The following PCSK5 variants were observed in gnomAD, a reference collection of about 807,000 sequenced individuals.
PCSK5 encodes proprotein convertase subtilisin/kexin type 5.
PCSK5 carries 129 observed loss-of-function variants against 233.2 expected under a neutral mutation model. The observed-to-expected ratio is 0.55, with a 90% CI of 0.48 to 0.64. The LOEUF (loss-of-function observed/expected upper bound fraction) is 0.64. Among genes scored for constraint, PCSK5 ranks in the 30% least tolerant of loss-of-function variants. The pLI is 0.00. For synonymous variants in PCSK5, 825 were observed against 879.2 expected (o/e 0.94, Z 1.09); for missense variants, 2,076 against 2,430.1 (o/e 0.85, Z 3.06).
At chr9:76,209,289 A>G (rs1021424305) in intron 20 of PCSK5, among the ~76,000 whole-genome samples, 1 of 152,158 alleles carries the variant, frequency 6.6e-6, no homozygotes, top group Non-Finnish European at 1.5e-5. Flanking sequence ...TCTACTTGCA[A>G]CCTGCGTTCC....
chr9:76,092,023 G>T (rs919577176), intron 7 of PCSK5, among the ~76,000 whole-genome samples: 1 of 152,056 alleles, frequency 6.6e-6, no homozygotes. Context: ...CAATGCCATT[G>T]CTCCTTCTTA....
At chr9:76,080,951 T>G (rs755666702) in intron 7 of PCSK5, among the ~76,000 whole-genome samples, 44 of 152,260 alleles carry the variant, frequency 2.9e-4, no homozygotes, top group Non-Finnish European at 5.6e-4. Context: ...TGAGTAACCC[T>G]TACAGAAGGT....
intron 10 of PCSK5, among the ~76,000 whole-genome samples, chr9:76,143,894 G>C (rs566781887): frequency 1.3e-5 from 2 of 151,980 alleles, no homozygotes; most frequent in East Asian, 3.9e-4. Flanking sequence ...TCTTTTCGTT[G>C]GTTGTTATTG....
At chr9:76,026,904 T>G in intron 4 of PCSK5, 57 bp from the exon 5 acceptor site, 1 of 1,160,254 alleles carries the variant, frequency 8.6e-7, no homozygotes, top group Non-Finnish European at 1.3e-6. Context: ...CTGTGGGTCA[T>G]TGGCTAATTA....
intron 20 of PCSK5, among the ~76,000 whole-genome samples, chr9:76,206,108 G>C (rs1825106904): frequency 6.6e-6 from 1 of 152,168 alleles, no homozygotes; most frequent in Non-Finnish European, 1.5e-5. Flanking sequence ...ATTCCTATCT[G>C]CCACCCCCAC....
intron 5 of PCSK5, among the ~76,000 whole-genome samples, chr9:76,027,464 C>G (rs543296348): frequency 6.6e-6 from 1 of 152,034 alleles, no homozygotes; most frequent in African/African-American, 2.4e-5. Flanking sequence ...CTCCTTCGCT[C>G]CTCTCTCCTC....
At chr9:76,059,809 C>T (rs11144736) in intron 5 of PCSK5, among the ~76,000 whole-genome samples, 3,575 of 151,690 alleles carry the variant, frequency 0.024, 82 homozygotes, top group South Asian at 0.037. Context: ...ATTTTTTATC[C>T]TACAGGATAA....
At chr9:76,323,019 C>CCG in intron 31 of PCSK5, 33 bp from the exon 32 acceptor site, 1 of 1,219,324 alleles carries the variant, frequency 8.2e-7, no homozygotes, top group Non-Finnish European at 1.2e-6. Flanking sequence ...TCCTACCCCC[C>CCG]GGGGATAACT....
intron 8 of PCSK5, among the ~76,000 whole-genome samples, chr9:76,099,841 T>G (rs993936365): frequency 3.9e-5 from 6 of 152,190 alleles, no homozygotes; most frequent in African/African-American, 1.4e-4. Flanking sequence ...GACATTCATT[T>G]CCTTTTGTCA....
rs1823760804 is a variant in PCSK5, at chr9:76,179,668, A to G, written c.1973A>G (p.His658Arg). 1.9e-6 allele frequency: 3 copies of G among 1,612,982 alleles called. No homozygotes were observed. Among genetic ancestry groups the G allele is most frequent in the Non-Finnish European group, 2.5e-6 (3 of 1,179,076 alleles). Residue 658 changes from histidine (H) to arginine (R), a missense_variant, in exon 15 of 38, where the codon CAC (histidine) becomes CGC (arginine). This residue lies in a region of PCSK5 where 84 missense variants were observed against 108.8 expected (regional missense o/e 0.77). Transcript: ENST00000674117. The part of the protein sequence containing the change: ...PGPDHCNDCL[H>R]YYYKLKNNTR... ...CCAGACCACTGCAATGACTGTTTGCACTACTACTACAAGCTGAAAAACAAT... is the reference window on the plus strand; with the variant it reads ...CCAGACCACTGCAATGACTGTTTGCGCTACTACTACAAGCTGAAAAACAAT...
At chr9:75,991,935 T>TA (rs572364341) in intron 3 of PCSK5, among the ~76,000 whole-genome samples, 32 of 147,090 alleles carry the variant, frequency 2.2e-4, no homozygotes, top group South Asian at 1.7e-3. Context: ...AAATGTAAAA[T>TA]AAAAAAAAAA....
intron 9 of PCSK5, among the ~76,000 whole-genome samples, chr9:76,120,840 A>G (rs1832603413): frequency 1.3e-5 from 2 of 151,980 alleles, no homozygotes; most frequent in African/African-American, 2.4e-5. Flanking sequence ...TGCCTCTACT[A>G]TTATTTCCTG....
At chr9:76,199,376 TAC>T (rs1476660873) in intron 20 of PCSK5, among the ~76,000 whole-genome samples, 1 of 152,232 alleles carries the variant, frequency 6.6e-6, no homozygotes, top group Non-Finnish European at 1.5e-5. Context: ...CTGTCATATA[TAC>T]AGTCTGTTAT....
chr9:76,315,772 AC>A (rs1829006666), intron 30 of PCSK5, among the ~76,000 whole-genome samples: 1 of 150,362 alleles, frequency 6.7e-6, no homozygotes, highest in African/African-American at 2.5e-5. Context: ...AGCTGGGATT[AC>A]AGGCGCCCAC....
At chr9:76,175,271 G>GGAATGGAATT in intron 14 of PCSK5, 142 bp downstream of exon 14, 1 of 508,318 alleles carries the variant, frequency 2.0e-6, no homozygotes. Context: ...GGAATGGAAT[G>GGAATGGAATT]GAATCGAATC....
At chr9:76,064,584 GC>G in intron 5 of PCSK5, among the ~76,000 whole-genome samples, 1 of 147,138 alleles carries the variant, frequency 6.8e-6, no homozygotes, top group South Asian at 2.2e-4. Flanking sequence ...TGGGGTGGCT[GC>G]CGGGCGGAGA....
At chr9:76,324,246 C>G (rs1829295890) in intron 32 of PCSK5, among the ~76,000 whole-genome samples, 1 of 151,184 alleles carries the variant, frequency 6.6e-6, no homozygotes, top group Non-Finnish European at 1.5e-5. Flanking sequence ...TATTGTTGTT[C>G]TTGAGATGGA....
chr9:76,236,845 C>T (rs1396434645), intron 22 of PCSK5, among the ~76,000 whole-genome samples: 1 of 152,188 alleles, frequency 6.6e-6, no homozygotes, highest in Non-Finnish European at 1.5e-5. Flanking sequence ...AGAACACTTC[C>T]TTCTAAATCT....
At chr9:76,081,304 A>C (rs1830824891) in intron 7 of PCSK5, among the ~76,000 whole-genome samples, 1 of 152,162 alleles carries the variant, frequency 6.6e-6, no homozygotes, top group Admixed American at 6.5e-5. Flanking sequence ...AAATACAAAA[A>C]TTAGCTGGGC....
Sources: gnomAD v4.1 joint callset for allele counts (sites outside exome capture counted in the v4.1 genomes callset) on GRCh38, gnomAD v4.1.1 for gene constraint, gnomAD v4.1.1 regional missense constraint, MANE v1.5 for transcripts, NCBI Gene and HGNC (gene_info 2026-07-23, HGNC 2026-07-21) for gene names.